Variants in MEP1A observed in about 807,000 individuals in gnomAD.
MEP1A encodes the protein meprin A subunit alpha.
Under a neutral mutation model 84.5 loss-of-function variants are expected in MEP1A, and 68 were observed. That is an observed-to-expected ratio of 0.80 (90% CI 0.66 to 0.98). The LOEUF (loss-of-function observed/expected upper bound fraction) is 0.98. Among genes scored for constraint, MEP1A ranks in the 50% least tolerant of loss-of-function variants. MEP1A has a pLI of 0.00. For synonymous variants in MEP1A, 337 were observed against 336.8 expected (o/e 1.00, Z -0.01); for missense variants, 887 against 919.9 (o/e 0.96, Z 0.46).
chr6:46,837,560 T>G (rs1428401363), intron 13 of MEP1A, among the ~76,000 whole-genome samples: 1 of 152,226 alleles, frequency 6.6e-6, no homozygotes, highest in Non-Finnish European at 1.5e-5. Context: ...TATCTTTGCC[T>G]GACAGGCCCT....
intron 5 of MEP1A, among the ~76,000 whole-genome samples, chr6:46,803,045 TTCC>T (rs1307288170): frequency 1.3e-5 from 2 of 151,818 alleles, no homozygotes; most frequent in African/African-American, 4.8e-5. Flanking sequence ...TTGAAAATTT[TTCC>T]TCTTCTTTTA....
intron 6 of MEP1A, among the ~76,000 whole-genome samples, chr6:46,812,970 T>A (rs1344488240): frequency 1.3e-5 from 2 of 152,122 alleles, no homozygotes; most frequent in African/African-American, 4.8e-5. Flanking sequence ...TCTGTAAATA[T>A]CTGTTAAGTC....
intron 7 of MEP1A, among the ~76,000 whole-genome samples, chr6:46,822,764 C>G (rs1218701516): frequency 6.6e-5 from 10 of 152,116 alleles, no homozygotes; most frequent in Admixed American, 6.6e-4. Flanking sequence ...AGGCTGGTCT[C>G]GAACTCCTGG....
In MEP1A at chr6:46,795,426, G is replaced by A. The variant is rs191557484; in HGVS notation, c.145+1710G>A. On this transcript the variant is annotated intron_variant, in intron 3 of 13. Transcript: ENST00000230588. ...AGCGAGTCTCCTGCCTCAGCCTCCCGAGTAGCTGGGATTATAGGTGCCCAC... is the reference window on the plus strand; with the variant it reads ...AGCGAGTCTCCTGCCTCAGCCTCCCAAGTAGCTGGGATTATAGGTGCCCAC... Among the ~76,000 whole-genome samples, 15 of 151,910 alleles carry A rather than the reference G, an allele frequency of 9.9e-5. No individual in the cohort carries two copies. The East Asian group carries it at 2.5e-3, about 26-fold the overall frequency.
chr6:46,818,594 T>A (rs6458520), intron 6 of MEP1A, among the ~76,000 whole-genome samples: 1 of 151,894 alleles, frequency 6.6e-6, no homozygotes, highest in Non-Finnish European at 1.5e-5. Context: ...CATTCTACCG[T>A]AAGGAATTCA....
chr6:46,840,408 A>AAATGTGCCAGAATCTAACAAGATATAAG (rs1319845430), downstream of MEP1A, among the ~76,000 whole-genome samples: 4 of 152,208 alleles, frequency 2.6e-5, no homozygotes, highest in Admixed American at 2.6e-4. Flanking sequence ...GTGCATTCTT[A>AAATGTGCCAGAATCTAACAAGATATAAG]AATGTGCCAG....
chr6:46,797,840 C>CTTTCTTTCTT (rs1562102655), intron 3 of MEP1A, among the ~76,000 whole-genome samples: 1 of 68,372 alleles, frequency 1.5e-5, no homozygotes, highest in Non-Finnish European at 3.1e-5. Context: ...CTTTCTTTCT[C>CTTTCTTTCTT]TCTCTCTTTC....
At chr6:46,844,015 C>A (rs992921398), downstream of MEP1A, among the ~76,000 whole-genome samples, 1 of 152,132 alleles carries the variant, frequency 6.6e-6, no homozygotes, top group Admixed American at 6.5e-5. Context: ...TTCTTTTTTA[C>A]TTGGTTTTCT....
At chr6:46,824,737 TA>T (rs1767869680) in intron 7 of MEP1A, among the ~76,000 whole-genome samples, 2 of 122,220 alleles carry the variant, frequency 1.6e-5, no homozygotes, top group South Asian at 5.1e-4. Flanking sequence ...ATAAATTATG[TA>T]TTTAAATAGA....
At chr6:46,827,205 T>G (rs1441500741) in intron 9 of MEP1A, among the ~76,000 whole-genome samples, 2 of 152,202 alleles carry the variant, frequency 1.3e-5, no homozygotes, top group African/African-American at 4.8e-5. Flanking sequence ...GCTTCACCAC[T>G]TACTAATTGT....
At chr6:46,834,941 T>G (rs1167560766) in intron 12 of MEP1A, among the ~76,000 whole-genome samples, 190 bp downstream of exon 12, 1 of 152,200 alleles carries the variant, frequency 6.6e-6, no homozygotes. Flanking sequence ...GAAACTGAAA[T>G]TTTAGTGTCA....
At chr6:46,832,541 G>A (rs564260222) in intron 10 of MEP1A, among the ~76,000 whole-genome samples, 39 of 152,196 alleles carry the variant, frequency 2.6e-4, no homozygotes, top group Non-Finnish European at 4.7e-4. Context: ...ATATAAGGAA[G>A]AGAAAAAAGT....
the MEP1A span, among the ~76,000 whole-genome samples, chr6:46,845,902 G>C: frequency 6.6e-6 from 1 of 152,074 alleles, no homozygotes; most frequent in East Asian, 1.9e-4. Flanking sequence ...TAACACCACT[G>C]TTATAGTGCA....
intron 6 of MEP1A, among the ~76,000 whole-genome samples, chr6:46,815,405 A>G (rs1767611487): frequency 6.6e-6 from 1 of 152,214 alleles, no homozygotes. Context: ...CCCTGCTCCC[A>G]TGCAGCCCGC....
At chr6:46,816,920 G>T (rs922383591) in intron 6 of MEP1A, among the ~76,000 whole-genome samples, 1 of 152,182 alleles carries the variant, frequency 6.6e-6, no homozygotes, top group Admixed American at 6.5e-5. Context: ...AGAGCCATGT[G>T]TGAGGGAACC....
At chr6:46,808,128 C>T (rs929896586) in intron 5 of MEP1A, among the ~76,000 whole-genome samples, 3 of 151,676 alleles carry the variant, frequency 2.0e-5, no homozygotes, top group African/African-American at 7.3e-5. Context: ...AGGAAGCTTG[C>T]TTTCAGTATA....
rs1460644626 is a variant in MEP1A, at chr6:46,809,510, C to A, written c.353C>A (p.Ser118Ter). 6.2e-7 allele frequency: 1 copy of A among 1,606,388 alleles called. No homozygotes were observed. Among genetic ancestry groups the A allele is most frequent in the Non-Finnish European group, 8.5e-7 (1 of 1,175,224 alleles). The change falls in exon 6 of 14, where the codon TCA (serine) becomes TAA (stop). Residue 118 changes from serine (S) to a stop codon, truncating the protein, a stop_gained. Coordinates refer to ENST00000230588, the MANE Select transcript of MEP1A (RefSeq NM_005588.3). LOFTEE classifies it high-confidence loss of function. ...VDFKPYEGES[S>*]YIIFQQFDGC... The stretch of plus-strand genomic sequence containing the variant: ...TTCAAGCCCTATGAAGGAGAGAGCT[C>A]ATATATCATATTTCAACAGTTTGAT...
intron 5 of MEP1A, among the ~76,000 whole-genome samples, chr6:46,805,529 A>T (rs560533866): frequency 6.6e-6 from 1 of 151,930 alleles, no homozygotes; most frequent in South Asian, 2.1e-4. Context: ...AGTGTTCTTT[A>T]TATATTTTGG....
chr6:46,806,475 G>A (rs539253834), intron 5 of MEP1A, among the ~76,000 whole-genome samples: 1 of 152,008 alleles, frequency 6.6e-6, no homozygotes, highest in South Asian at 2.1e-4. Context: ...GGTCCTTCTG[G>A]GATTTCAATG....
Sources: gnomAD v4.1 joint callset for allele counts (sites outside exome capture counted in the v4.1 genomes callset) on GRCh38, gnomAD v4.1.1 for gene constraint, MANE v1.5 for transcripts, NCBI Gene and HGNC (gene_info 2026-07-23, HGNC 2026-07-21) for gene names.